Variants in ARHGAP5 observed in about 807,000 individuals in gnomAD.
The protein encoded by ARHGAP5 is rho GTPase-activating protein 5.
Under a neutral mutation model 116.6 loss-of-function variants are expected in ARHGAP5, and 23 were observed. The observed-to-expected ratio is 0.20, with a 90% CI of 0.14 to 0.28. ARHGAP5 has a LOEUF of 0.28. Ranked by LOEUF, ARHGAP5 falls within the 10% of genes least tolerant of loss-of-function variation. The probability of loss-of-function intolerance (pLI) is 1.00; values close to 1 mark genes in which losing one functional copy is unlikely to be tolerated. For synonymous variants in ARHGAP5, 574 were observed against 602.0 expected (o/e 0.95, Z 0.68); for missense variants, 1,405 against 1,774.8 (o/e 0.79, Z 3.74).
In ARHGAP5 at chr14:32,093,624, A is replaced by G. The variant is rs1185667888; in HGVS notation, c.2955A>G (p.Thr985=). ...YNNYPDSDDD[T]EAPPPYSPIG... ...ACTACCCTGATTCAGATGATGACAC[A>G]GAAGCACCACCTCCTTATAGTCCAA... Residue 985 remains threonine, a synonymous_variant, in exon 2 of 7, where the codon ACA becomes ACG. Transcript: ENST00000345122. 6.2e-7 allele frequency: 1 copy of G among 1,613,736 alleles called. No homozygotes were observed. The highest frequency in any genetic ancestry group is 8.5e-7 in the Non-Finnish European group (1 of 1,179,902).
chr14:32,139,591 T>G (rs1376590935), intron 3 of ARHGAP5, among the ~76,000 whole-genome samples: 2 of 152,032 alleles, frequency 1.3e-5, no homozygotes, highest in African/African-American at 2.4e-5. Context: ...TGGAGTCTTC[T>G]CTTTTTTTTC....
At chr14:32,138,942 A>G (rs1033231543) in intron 3 of ARHGAP5, among the ~76,000 whole-genome samples, 1 of 152,140 alleles carries the variant, frequency 6.6e-6, no homozygotes, top group South Asian at 2.1e-4. Flanking sequence ...CTTTTTCTAC[A>G]TCAATTGAGA....
intron 1 of ARHGAP5, among the ~76,000 whole-genome samples, chr14:32,080,964 A>G (rs1306538124): frequency 6.6e-6 from 1 of 152,158 alleles, no homozygotes; most frequent in Non-Finnish European, 1.5e-5. Context: ...TAGAGTCTCA[A>G]GCTTTTCATC....
rs773241511 is a variant in ARHGAP5, at chr14:32,092,424, A to G, written c.1755A>G (p.Arg585=). The G allele has an allele frequency of 5.6e-6, 9 of 1,613,532 alleles. No individual in the cohort carries two copies. Among genetic ancestry groups the G allele is most frequent in the Admixed American group, 1.7e-5 (1 of 59,930 alleles). Residue 585 remains arginine (R), a synonymous_variant, in exon 2 of 7, where the codon AGA becomes AGG. Transcript: ENST00000345122. The surrounding 1 kb of genome is among the most constrained non-coding windows in gnomAD (Gnocchi z 4.1). ...TACAGTTGGATCATGGCCGCTTAAG[A>G]TTATATCACGATAGTACCAATATAG... The part of the protein sequence containing the change: ...SLLQLDHGRL[R]LYHDSTNIDK...
At chr14:32,145,585 C>T (rs570672232) in intron 3 of ARHGAP5, among the ~76,000 whole-genome samples, 85 of 152,136 alleles carry the variant, frequency 5.6e-4, no homozygotes, top group African/African-American at 1.9e-3. Context: ...TCTGCCTGCC[C>T]CCTCAAAAAT....
chr14:32,149,349 A>C (rs960838749), intron 4 of ARHGAP5, among the ~76,000 whole-genome samples: 3 of 152,066 alleles, frequency 2.0e-5, no homozygotes, highest in Non-Finnish European at 4.4e-5. Context: ...GTATAAACAA[A>C]AAAAAAAGAT....
intron 4 of ARHGAP5, 50 bp downstream of exon 4, chr14:32,146,390 G>T: frequency 1.5e-6 from 2 of 1,335,120 alleles, no homozygotes. Flanking sequence ...TGTTTTCCTT[G>T]TTAGAATTCA....
At chr14:32,116,494 G>C (rs184042229) in intron 2 of ARHGAP5, among the ~76,000 whole-genome samples, 7 of 152,106 alleles carry the variant, frequency 4.6e-5, no homozygotes, top group Admixed American at 2.0e-4. Flanking sequence ...TTGGGAGGCT[G>C]AGGCAGGAGA....
intron 1 of ARHGAP5, among the ~76,000 whole-genome samples, chr14:32,086,696 T>C (rs1303838541): frequency 6.6e-6 from 1 of 151,986 alleles, no homozygotes; most frequent in Non-Finnish European, 1.5e-5. Flanking sequence ...AGATTCCTTG[T>C]AGAACTTTTT....
rs1355525776 is a variant in ARHGAP5 at position 32,103,255 on chromosome 14, A to G, written c.3717+8869A>G. ...TTCTGGCAGTATTTTACTATTTGCCATTTCTTTGAATTCTGTGTTGTCCAT... is the reference window on the plus strand; with the variant it reads ...TTCTGGCAGTATTTTACTATTTGCCGTTTCTTTGAATTCTGTGTTGTCCAT... On this transcript the variant is annotated intron_variant, in intron 2 of 6. Transcript: ENST00000345122. Among the ~76,000 whole-genome samples, 4 of 152,298 alleles carry G rather than the reference A, an allele frequency of 2.6e-5. No homozygotes were observed. The East Asian group carries it at 5.8e-4, about 22-fold the overall frequency.
rs1437516551 is a variant in ARHGAP5, at chr14:32,092,174, A to G, written c.1505A>G (p.Tyr502Cys). 3 of 1,613,636 alleles carry G rather than the reference A, an allele frequency of 1.9e-6. No homozygotes were observed. The highest frequency in any genetic ancestry group is 1.7e-6 in the Non-Finnish European group (2 of 1,179,784). The change falls in exon 2 of 7, where the codon TAT becomes TGT. Residue 502 changes from tyrosine (Y) to cysteine (C), a missense_variant. Coordinates refer to ENST00000345122, the MANE Select transcript of ARHGAP5 (RefSeq NM_001030055.2). This position sits in a 1 kb window ranked among gnomAD's most constrained non-coding sequence, Gnocchi z 4.1. The part of the protein sequence containing the change: ...EMLFEHSELF[Y>C]DLDLNATPSS... ...CTTTTTGAGCATTCTGAACTTTTTTATGATTTAGATCTTAATGCAACACCT... is the reference window on the plus strand; with the variant it reads ...CTTTTTGAGCATTCTGAACTTTTTTGTGATTTAGATCTTAATGCAACACCT...
chr14:32,077,562 G>T, intron 1 of ARHGAP5, 127 bp downstream of exon 1: 1 of 557,604 alleles, frequency 1.8e-6, no homozygotes, highest in Non-Finnish European at 3.2e-6. Context: ...CTGGGGCCCC[G>T]CGGCCGCCGA....
At chr14:32,140,155 A>G (rs1221960112) in intron 3 of ARHGAP5, among the ~76,000 whole-genome samples, 1 of 119,072 alleles carries the variant, frequency 8.4e-6, no homozygotes, top group Non-Finnish European at 1.6e-5. Flanking sequence ...TTTAGGGTAC[A>G]TCTGCACATT....
chr14:32,126,795 G>A (rs953683143), intron 3 of ARHGAP5, among the ~76,000 whole-genome samples: 5 of 150,208 alleles, frequency 3.3e-5, no homozygotes, highest in South Asian at 2.1e-4. Flanking sequence ...TTCTTTTTTT[G>A]GGGGGGGAGT....
intron 2 of ARHGAP5, among the ~76,000 whole-genome samples, chr14:32,111,016 A>T (rs1216431392): frequency 6.6e-6 from 1 of 152,198 alleles, no homozygotes; most frequent in African/African-American, 2.4e-5. Context: ...ACATTAGTTT[A>T]GGCTTCAGGA....
intron 3 of ARHGAP5, among the ~76,000 whole-genome samples, chr14:32,130,278 C>T (rs1186300260): frequency 7.4e-6 from 1 of 135,848 alleles, no homozygotes. Flanking sequence ...GTGGTGGGAT[C>T]TCGGCTCACT....
chr14:32,130,580 G>A (rs146434638), intron 3 of ARHGAP5, among the ~76,000 whole-genome samples: 5 of 149,822 alleles, frequency 3.3e-5, no homozygotes, highest in South Asian at 2.1e-4. Flanking sequence ...TCGCTTTGTC[G>A]CCCAGTCTGG....
At position 32,093,609 on chromosome 14, in the gene ARHGAP5, T is replaced by C. The variant is rs1343081624; in HGVS notation, c.2940T>C (p.Asp980=). ...RDCFPYNNYP[D]SDDDTEAPPP... ...GTTTTCCCTATAATAACTACCCTGA[T>C]TCAGATGATGACACAGAAGCACCAC... is the stretch of plus-strand genomic sequence containing the variant. Residue 980 remains aspartate, a synonymous_variant, in exon 2 of 7, where the codon GAT becomes GAC. Coordinates refer to ENST00000345122, the MANE Select transcript of ARHGAP5 (RefSeq NM_001030055.2). 6.2e-7 allele frequency: 1 copy of C among 1,613,818 alleles called. No individual in the cohort carries two copies. Among genetic ancestry groups the C allele is most frequent in the African/African-American group, 1.3e-5 (1 of 74,930 alleles).
intron 3 of ARHGAP5, among the ~76,000 whole-genome samples, chr14:32,124,233 G>A (rs1183636500): frequency 6.6e-6 from 1 of 152,084 alleles, no homozygotes; most frequent in Non-Finnish European, 1.5e-5. Flanking sequence ...ATGGATCATG[G>A]TTTTGAACTG....
Sources: allele counts gnomAD v4.1 joint callset (sites outside exome capture counted in the v4.1 genomes callset), GRCh38; gene constraint gnomAD v4.1.1; non-coding constraint Gnocchi (gnomAD v3.1); transcripts MANE v1.5; gene names NCBI Gene and HGNC (gene_info 2026-07-23, HGNC 2026-07-21).